VGLL3: variants seen among roughly 807,000 people sequenced by gnomAD.
The protein encoded by VGLL3 is vestigial like family member 3, also known as transcription cofactor vestigial-like protein 3.
Under a neutral mutation model 29.2 loss-of-function variants are expected in VGLL3, and 18 were observed. That is an observed-to-expected ratio of 0.62 (90% CI 0.43 to 0.91). The LOEUF is 0.91. Among genes scored for constraint, VGLL3 ranks in the 40% least tolerant of loss-of-function variants. VGLL3 has a pLI of 0.00. For missense variants in VGLL3, 440 were observed against 413.2 expected (o/e 1.06, Z -0.56); for synonymous variants, 180 against 151.8 (o/e 1.19, Z -1.36).
intron 3 of VGLL3, among the ~76,000 whole-genome samples, chr3:86,954,805 A>G (rs1383811019): frequency 6.6e-6 from 1 of 152,068 alleles, no homozygotes; most frequent in African/African-American, 2.4e-5. Context: ...GGAGACAAAG[A>G]ATAAAGGAAA....
chr3:86,950,853 G>T (rs746748999), intron 3 of VGLL3, among the ~76,000 whole-genome samples: 4 of 152,116 alleles, frequency 2.6e-5, no homozygotes, highest in Non-Finnish European at 5.9e-5. Context: ...TAAAAACATA[G>T]GGTGGTCAAT....
At chr3:86,973,993 GT>G (rs1222344789) in intron 2 of VGLL3, among the ~76,000 whole-genome samples, 1 of 152,096 alleles carries the variant, frequency 6.6e-6, no homozygotes, top group African/African-American at 2.4e-5. Flanking sequence ...TGAAACCAAT[GT>G]TTAGCGCTGT....
chr3:86,978,636 A>G lies in VGLL3; in HGVS notation c.293T>C (p.Ile98Thr), dbSNP rs1374537139. 6.2e-7 allele frequency: 1 copy of G among 1,614,086 alleles called. No homozygotes were observed. The highest frequency in any genetic ancestry group is 1.3e-5 in the African/African-American group (1 of 75,016). Residue 98 changes from isoleucine (I) to threonine (T), a missense_variant, in exon 2 of 4, where the codon ATT (isoleucine) becomes ACT (threonine). Transcript: ENST00000398399. ...GAAGTGTTCATCCACTACTGACCCAATGTCTCCCTGGAAATAAGTGAAAAG... is the reference window on the plus strand; with the variant it reads ...GAAGTGTTCATCCACTACTGACCCAGTGTCTCCCTGGAAATAAGTGAAAAG... The part of the protein sequence containing the change: ...CVLFTYFQGD[I>T]GSVVDEHFSR...
chr3:86,953,363 T>C (rs1185010345), intron 3 of VGLL3, among the ~76,000 whole-genome samples: 1 of 152,146 alleles, frequency 6.6e-6, no homozygotes, highest in African/African-American at 2.4e-5. Flanking sequence ...ATATTTATTC[T>C]ATAGTATACT....
chr3:86,969,405 G>A (rs1398062449), intron 2 of VGLL3, among the ~76,000 whole-genome samples: 1 of 152,164 alleles, frequency 6.6e-6, no homozygotes, highest in Admixed American at 6.5e-5. Context: ...GCAATTTGGG[G>A]ATTGAAAAAT....
chr3:86,978,946 T>C (rs1705269350), intron 1 of VGLL3, 144 bp from the exon 2 acceptor site: 2 of 926,694 alleles, frequency 2.2e-6, no homozygotes, highest in Non-Finnish European at 3.0e-6. Context: ...TTACTCCATC[T>C]TTTTCCTCCC....
At chr3:86,950,827 T>G (rs1704602391) in intron 3 of VGLL3, among the ~76,000 whole-genome samples, 1 of 152,168 alleles carries the variant, frequency 6.6e-6, no homozygotes, top group Admixed American at 6.5e-5. Flanking sequence ...CTGCCGGACT[T>G]CTCCAGTGTG....
intron 2 of VGLL3, among the ~76,000 whole-genome samples, chr3:86,970,539 T>C (rs992768798): frequency 2.8e-5 from 4 of 144,908 alleles, no homozygotes; most frequent in African/African-American, 1.0e-4. Flanking sequence ...GCAGCAGCAT[T>C]TGAAAGACAA....
intron 3 of VGLL3, 53 bp from the exon 4 acceptor site, chr3:86,947,120 C>CA: frequency 1.3e-6 from 1 of 776,112 alleles, no homozygotes; most frequent in South Asian, 1.4e-5. Flanking sequence ...CATATGGTAC[C>CA]AAAAATAAGC....
intron 3 of VGLL3, among the ~76,000 whole-genome samples, chr3:86,954,784 A>G (rs1704682915): frequency 6.6e-6 from 1 of 152,114 alleles, no homozygotes; most frequent in Non-Finnish European, 1.5e-5. Flanking sequence ...ATATAAAGAA[A>G]CTTTGAAGCC....
rs1704344743 is a variant in VGLL3, at chr3:86,939,373, T to A, written c.*7651A>T. On this transcript the variant is annotated 3_prime_UTR_variant, in exon 4 of 4. Transcript: ENST00000398399. ...ATGGCGCAATGGCTTATGCCTGTAA[T>A]CCCAACACTTTGGGAGGCCAAGGCA... is the stretch of plus-strand genomic sequence containing the variant. The A allele has an allele frequency of 6.6e-6, 1 of 152,272 alleles. No individual in the cohort carries two copies. Among genetic ancestry groups the A allele is most frequent in the African/African-American group, 2.4e-5 (1 of 41,442 alleles). The allele number at this position is 152,272 out of a possible 1,614,324, so 9.4% of individuals were successfully genotyped here.
rs1704500255 is a variant in VGLL3, at chr3:86,946,098, T to C, written c.*926A>G. On this transcript the variant is annotated 3_prime_UTR_variant, in exon 4 of 4. Coordinates refer to ENST00000398399, the MANE Select transcript of VGLL3 (RefSeq NM_016206.4). ...GGCATGGTTAAATGCATTTTTTTCC[T>C]TGTAGTTGTATATAACCTCTGGTTC... The C allele has an allele frequency of 6.6e-6, 1 of 152,192 alleles. No individual in the cohort carries two copies. The highest frequency in any genetic ancestry group is 1.5e-5 in the Non-Finnish European group (1 of 68,016). The allele number at this position is 152,192 out of a possible 1,614,324, so 9.4% of individuals were successfully genotyped here. A position where few individuals can be genotyped will look rare whatever the true frequency, so the allele number is the denominator to read the frequency against.
intron 2 of VGLL3, among the ~76,000 whole-genome samples, chr3:86,972,573 A>AT (rs1705126399): frequency 6.6e-6 from 1 of 152,102 alleles, no homozygotes; most frequent in Non-Finnish European, 1.5e-5. Flanking sequence ...ATGTATGTAA[A>AT]TTTTTTTCAT....
intron 1 of VGLL3, among the ~76,000 whole-genome samples, chr3:86,989,519 G>A (rs1418902906): frequency 6.6e-6 from 1 of 152,152 alleles, no homozygotes; most frequent in Non-Finnish European, 1.5e-5. Context: ...GACAGAAGTA[G>A]AGGAAATACA....
intron 1 of VGLL3, among the ~76,000 whole-genome samples, chr3:86,980,009 C>T (rs1705289668): frequency 6.6e-6 from 1 of 152,008 alleles, no homozygotes; most frequent in Non-Finnish European, 1.5e-5. Context: ...TTATTATCAA[C>T]TTCAATGCGA....
intron 3 of VGLL3, among the ~76,000 whole-genome samples, chr3:86,956,423 A>G (rs1704723144): frequency 6.6e-6 from 1 of 152,192 alleles, no homozygotes; most frequent in Non-Finnish European, 1.5e-5. Flanking sequence ...AACCGCAGCT[A>G]GTTGATGACA....
chr3:86,971,014 T>C (rs886214097), intron 2 of VGLL3, among the ~76,000 whole-genome samples: 1 of 152,222 alleles, frequency 6.6e-6, no homozygotes, highest in African/African-American at 2.4e-5. Context: ...TTTCTAAAGA[T>C]GTTAGTCATG....
At chr3:86,962,375 C>A (rs1559724555) in intron 3 of VGLL3, 1 of 985,316 alleles carries the variant, frequency 1.0e-6, no homozygotes, top group Non-Finnish European at 1.2e-6. Context: ...ACAGCCCTCA[C>A]AGTATGGATC....
intron 3 of VGLL3, among the ~76,000 whole-genome samples, chr3:86,948,934 CTCTTGTAA>C (rs1169434769): frequency 6.6e-6 from 1 of 152,138 alleles, no homozygotes; most frequent in African/African-American, 2.4e-5. Flanking sequence ...TGTTGGGTAA[CTCTTGTAA>C]TCTAAACCAC....
Sources: allele counts gnomAD v4.1 joint callset (sites outside exome capture counted in the v4.1 genomes callset), GRCh38; gene constraint gnomAD v4.1.1; transcripts MANE v1.5; gene names NCBI Gene and HGNC (gene_info 2026-07-23, HGNC 2026-07-21).